SHISAL1: variants seen among roughly 807,000 people sequenced by gnomAD.
SHISAL1 encodes protein shisa-like-1.
Under a neutral mutation model 22.6 loss-of-function variants are expected in SHISAL1, and 9 were observed. The ratio of observed to expected loss-of-function variants is 0.40; its 90% CI spans 0.24 to 0.70. The LOEUF (loss-of-function observed/expected upper bound fraction) is 0.70. SHISAL1 is among the 30% of genes least tolerant of loss of function. SHISAL1 has a pLI of 0.39. For synonymous variants in SHISAL1, 119 were observed against 115.4 expected (o/e 1.03, Z -0.20); for missense variants, 246 against 270.6 (o/e 0.91, Z 0.64).
At chr22:44,286,824 T>C (rs999120872) in intron 3 of SHISAL1, among the ~76,000 whole-genome samples, 2 of 152,156 alleles carry the variant, frequency 1.3e-5, no homozygotes, top group Admixed American at 1.3e-4. Flanking sequence ...GCCCTAACAG[T>C]GCGTGCCAGG....
In SHISAL1 at chr22:44,246,231, G is replaced by A. The variant is rs1177042513; in HGVS notation, c.*3454C>T. On this transcript the variant is annotated 3_prime_UTR_variant, in exon 5 of 5. Transcript: ENST00000381176. Reference sequence around the variant, plus strand: ...CACAACAATCACACCGTACACAGACGAGAGGGAAAGCATAAAACTGCTCAT... The same window carrying A: ...CACAACAATCACACCGTACACAGACAAGAGGGAAAGCATAAAACTGCTCAT... 1 of 152,130 alleles carries A rather than the reference G, an allele frequency of 6.6e-6. No homozygotes were observed. Among genetic ancestry groups the A allele is most frequent in the African/African-American group, 2.4e-5 (1 of 41,406 alleles). 9.4% of individuals were successfully genotyped at this position (152,130 alleles called of 1,614,324 possible). A position where few individuals can be genotyped will look rare whatever the true frequency, so the allele number is the denominator to read the frequency against.
chr22:44,299,919 CAG>C (rs897798732), intron 2 of SHISAL1, among the ~76,000 whole-genome samples: 5 of 142,314 alleles, frequency 3.5e-5, no homozygotes, highest in African/African-American at 1.1e-4. Flanking sequence ...GAGACAGAAA[CAG>C]AGACAGACAC....
the SHISAL1 span, among the ~76,000 whole-genome samples, chr22:44,322,307 G>A: frequency 6.6e-6 from 1 of 152,226 alleles, no homozygotes; most frequent in Non-Finnish European, 1.5e-5. Flanking sequence ...CAAGGGCCTT[G>A]GGCAGAGCAC....
chr22:44,323,400 TC>T, the SHISAL1 span, among the ~76,000 whole-genome samples: 312 of 143,330 alleles, frequency 2.2e-3, 4 homozygotes, highest in Non-Finnish European at 3.5e-3. Context: ...CACCCATTCA[TC>T]CATCCATCCA....
At chr22:44,290,529 C>CAAAAAAAAAAAAAAA (rs546640216) in intron 3 of SHISAL1, among the ~76,000 whole-genome samples, 18 of 84,274 alleles carry the variant, frequency 2.1e-4, no homozygotes, top group African/African-American at 7.5e-4. Context: ...AACTCAGTCT[C>CAAAAAAAAAAAAAAA]AAAAAAAAAA....
At chr22:44,251,695 TAA>T (rs1214062643) in intron 4 of SHISAL1, among the ~76,000 whole-genome samples, 4 of 152,178 alleles carry the variant, frequency 2.6e-5, no homozygotes, top group Non-Finnish European at 5.9e-5. Context: ...TTCCCATTTG[TAA>T]AGCCATCAGA....
chr22:44,313,374 CCCACA>C (rs997655278), upstream of SHISAL1, among the ~76,000 whole-genome samples: 4 of 152,200 alleles, frequency 2.6e-5, no homozygotes, highest in Admixed American at 2.6e-4. Context: ...ACAAACGGTC[CCCACA>C]CCAGCCCGGG....
the SHISAL1 span, among the ~76,000 whole-genome samples, chr22:44,327,636 G>T: frequency 6.6e-6 from 1 of 152,080 alleles, no homozygotes; most frequent in Non-Finnish European, 1.5e-5. Context: ...GGGGGTTCAT[G>T]CTTAGGGGTC....
At chr22:44,253,425 ATGTTTTTTTTTTTTT>A (rs2055062906) in intron 4 of SHISAL1, among the ~76,000 whole-genome samples, 1 of 107,884 alleles carries the variant, frequency 9.3e-6, no homozygotes, top group African/African-American at 3.2e-5. Context: ...GTATTAGTGC[ATGTTTTTTTTTTTTT>A]TTTTTTTTGA....
chr22:44,281,821 A>G (rs1375082262), intron 4 of SHISAL1, among the ~76,000 whole-genome samples: 1 of 152,190 alleles, frequency 6.6e-6, no homozygotes, highest in Non-Finnish European at 1.5e-5. Context: ...TCTCCGTGAA[A>G]TTAAACGAAG....
chr22:44,259,931 C>T (rs780621252), intron 4 of SHISAL1, among the ~76,000 whole-genome samples: 42 of 152,230 alleles, frequency 2.8e-4, no homozygotes, highest in Non-Finnish European at 5.4e-4. Flanking sequence ...TATCTAACTA[C>T]AGGTCGATTT....
At position 44,309,979 on chromosome 22, in the gene SHISAL1, C is replaced by T. The variant is rs75681415; in HGVS notation, c.-33+2772G>A. On this transcript the variant is annotated intron_variant, in intron 1 of 4. Coordinates refer to ENST00000381176, the MANE Select transcript of SHISAL1 (RefSeq NM_001099294.2). ...AGGAGAGAACTAGGACATCTTTCCT[C>T]GCTGTGCTGGCCAGGACCGAGGCAG... Among the ~76,000 whole-genome samples the T allele has an allele frequency of 8.1e-3, 1,235 of 152,332 alleles. 19 individuals carry two copies. The highest frequency in any genetic ancestry group is 0.029 in the African/African-American group (1,189 of 41,578).
At chr22:44,311,015 A>T (rs982676357) in intron 1 of SHISAL1, among the ~76,000 whole-genome samples, 1 of 152,008 alleles carries the variant, frequency 6.6e-6, no homozygotes, top group Non-Finnish European at 1.5e-5. Flanking sequence ...AACAGCAGAG[A>T]TCCAGGCAGG....
In SHISAL1 at chr22:44,245,102, A is replaced by G. The variant is rs2054987309; in HGVS notation, c.*4583T>C. The G allele has an allele frequency of 6.6e-6, 1 of 152,268 alleles. No individual in the cohort carries two copies. Among genetic ancestry groups the G allele is most frequent in the Non-Finnish European group, 1.5e-5 (1 of 68,066 alleles). The allele number at this position is 152,268 out of a possible 1,614,324, so 9.4% of individuals were successfully genotyped here. A position where few individuals can be genotyped will look rare whatever the true frequency, so the allele number is the denominator to read the frequency against. ...CACTCATGGCCTCTCTGACTGTCCC[A>G]GTGCTGTGGGGGCCAAGCAGACACC... On this transcript the variant is annotated 3_prime_UTR_variant, in exon 5 of 5. Transcript: ENST00000381176.
the SHISAL1 span, among the ~76,000 whole-genome samples, chr22:44,327,276 ACACACG>A: frequency 7.5e-6 from 1 of 133,154 alleles, no homozygotes; most frequent in Non-Finnish European, 1.7e-5. Context: ...ACACACACAC[ACACACG>A]TGCGCGTACA....
At chr22:44,257,488 C>T (rs2055092574) in intron 4 of SHISAL1, among the ~76,000 whole-genome samples, 1 of 146,060 alleles carries the variant, frequency 6.8e-6, no homozygotes, top group South Asian at 2.2e-4. Context: ...CACATTGAGC[C>T]CTCTGCCCTG....
Position 44,247,185 on chromosome 22 carries a change from G to C in SHISAL1, c.*2500C>G, listed in dbSNP as rs1265668372. 6.6e-6 allele frequency: 1 copy of C among 152,286 alleles called. No homozygotes were observed. The highest frequency in any genetic ancestry group is 2.4e-5 in the African/African-American group (1 of 41,416). The allele number at this position is 152,286 out of a possible 1,614,324, so 9.4% of individuals were successfully genotyped here. A position where few individuals can be genotyped will look rare whatever the true frequency, so the allele number is the denominator to read the frequency against. On this transcript the variant is annotated 3_prime_UTR_variant, in exon 5 of 5. Transcript: ENST00000381176. ...GCAGAGGAAGCACCTACAGAGCATT[G>C]TCCAGGACAGCAGGACACGAGGGTT...
At chr22:44,314,159 G>T (rs183918891), upstream of SHISAL1, among the ~76,000 whole-genome samples, 1,382 of 150,952 alleles carry the variant, frequency 9.2e-3, 12 homozygotes, top group Non-Finnish European at 0.015. Context: ...TCAGACCAGG[G>T]GGTCTGGTGT....
At chr22:44,285,856 C>G in intron 3 of SHISAL1, 111 bp from the exon 4 acceptor site, 4 of 933,582 alleles carry the variant, frequency 4.3e-6, no homozygotes, top group Non-Finnish European at 6.6e-6. Flanking sequence ...GTTGGGGTCC[C>G]CGGGAGGAGG....
Sources: gnomAD v4.1 joint callset for allele counts (sites outside exome capture counted in the v4.1 genomes callset) on GRCh38, gnomAD v4.1.1 for gene constraint, MANE v1.5 for transcripts, NCBI Gene and HGNC (gene_info 2026-07-23, HGNC 2026-07-21) for gene names.